Variants in KLRG1 observed in about 807,000 individuals in gnomAD.
KLRG1 encodes killer cell lectin like receptor G1, also known as killer cell lectin-like receptor subfamily G member 1.
KLRG1 carries 16 observed loss-of-function variants against 21.8 expected under a neutral mutation model. The observed-to-expected ratio is 0.73, with a 90% CI of 0.50 to 1.11. The LOEUF is 1.11. Among genes scored for constraint, KLRG1 ranks in the 50% most tolerant of loss-of-function variants. KLRG1 has a pLI of 0.00. For synonymous variants in KLRG1, 69 were observed against 75.9 expected (o/e 0.91, Z 0.47); for missense variants, 173 against 218.3 (o/e 0.79, Z 1.31).
chr12:9,195,535 C>T, the KLRG1 span, among the ~76,000 whole-genome samples: 2 of 151,238 alleles, frequency 1.3e-5, no homozygotes, highest in Admixed American at 1.3e-4. Context: ...CATCGAAGTT[C>T]TGGGCTCGAG....
chr12:9,018,297 C>T, the KLRG1 span, among the ~76,000 whole-genome samples: 3 of 151,678 alleles, frequency 2.0e-5, no homozygotes, highest in African/African-American at 7.3e-5. Flanking sequence ...CCAGAATAGC[C>T]AAAGCCATCC....
the KLRG1 span, among the ~76,000 whole-genome samples, chr12:9,049,156 T>C: frequency 1.3e-5 from 2 of 152,182 alleles, no homozygotes; most frequent in Non-Finnish European, 2.9e-5. Flanking sequence ...TGGTACTCTC[T>C]GAGTAAGTAT....
the KLRG1 span, among the ~76,000 whole-genome samples, chr12:9,133,003 G>T: frequency 6.6e-6 from 1 of 152,094 alleles, no homozygotes; most frequent in Non-Finnish European, 1.5e-5. Context: ...ATTGTGATAG[G>T]CACCTTGCTT....
the KLRG1 span, among the ~76,000 whole-genome samples, chr12:9,029,608 C>T: frequency 1.3e-5 from 2 of 152,268 alleles, no homozygotes; most frequent in Non-Finnish European, 2.9e-5. Context: ...AGTATCTCCC[C>T]AATCCCCCCT....
At chr12:8,963,243 T>C (rs1443623082) in intron 1 of KLRG1, among the ~76,000 whole-genome samples, 2 of 152,168 alleles carry the variant, frequency 1.3e-5, no homozygotes, top group East Asian at 3.8e-4. Flanking sequence ...GAGAATTCAT[T>C]GCAAACAGGC....
At chr12:9,169,281 G>T in the KLRG1 span, 1 of 795,532 alleles carries the variant, frequency 1.3e-6, no homozygotes, top group Non-Finnish European at 1.9e-6. Flanking sequence ...CCTCACAAGA[G>T]ACTTTAACCT....
the KLRG1 span, chr12:9,200,373 A>C: frequency 1.9e-6 from 3 of 1,603,276 alleles, no homozygotes; most frequent in Non-Finnish European, 2.6e-6. Flanking sequence ...CTCTCCACAG[A>C]CTGTTATGTT....
chr12:9,062,349 G>A, the KLRG1 span, among the ~76,000 whole-genome samples: 23 of 87,996 alleles, frequency 2.6e-4, no homozygotes, highest in African/African-American at 1.2e-3. Context: ...ACAATAGATG[G>A]ATAATATATC....
the KLRG1 span, among the ~76,000 whole-genome samples, chr12:9,071,671 C>T: frequency 1.3e-5 from 2 of 152,150 alleles, no homozygotes; most frequent in Non-Finnish European, 2.9e-5. Context: ...TTAGCTCCCA[C>T]TTACAAATGA....
chr12:8,959,478 C>T (rs1311510189), intron 1 of KLRG1, among the ~76,000 whole-genome samples: 1 of 152,182 alleles, frequency 6.6e-6, no homozygotes, highest in Non-Finnish European at 1.5e-5. Flanking sequence ...TTTCAGTTCT[C>T]CAGCCCCCTG....
the KLRG1 span, among the ~76,000 whole-genome samples, chr12:9,034,792 C>G: frequency 2.5e-3 from 376 of 152,266 alleles, 2 homozygotes; most frequent in African/African-American, 8.8e-3. Context: ...TTATACTTAT[C>G]CATTAAAAAA....
the KLRG1 span, chr12:9,112,404 T>A: frequency 3.7e-6 from 6 of 1,613,906 alleles, no homozygotes; most frequent in African/African-American, 8.0e-5. Flanking sequence ...TAGATTGATT[T>A]GTCTGTCTGG....
the KLRG1 span, chr12:9,169,318 G>A: frequency 9.1e-7 from 1 of 1,095,140 alleles, no homozygotes; most frequent in Non-Finnish European, 1.3e-6. Context: ...TTTGTCTGCT[G>A]AAAAATGGAG....
intron 1 of KLRG1, among the ~76,000 whole-genome samples, chr12:8,977,622 T>C (rs1380489693): frequency 6.6e-6 from 1 of 152,116 alleles, no homozygotes; most frequent in Non-Finnish European, 1.5e-5. Context: ...GCCATTTTGT[T>C]GTTTTTTGTT....
chr12:9,166,949 A>T, the KLRG1 span: 1 of 152,226 alleles, frequency 6.6e-6, no homozygotes, highest in Non-Finnish European at 1.5e-5. Flanking sequence ...CCCATCTGAT[A>T]TTTCAGAAAT....
the KLRG1 span, chr12:9,028,149 C>T: frequency 2.5e-3 from 1,210 of 485,644 alleles, 8 homozygotes; most frequent in South Asian, 3.2e-3. Flanking sequence ...TCGTCTTCTT[C>T]TTTTTTTTTT....
At chr12:9,066,789 CTTAGT>C in the KLRG1 span, 1 of 152,190 alleles carries the variant, frequency 6.6e-6, no homozygotes, top group African/African-American at 2.4e-5. Flanking sequence ...TTTTCCAGTT[CTTAGT>C]TTATACAATC....
At chr12:9,069,765 C>G in the KLRG1 span, 2 of 1,612,594 alleles carry the variant, frequency 1.2e-6, no homozygotes, top group South Asian at 1.1e-5. Context: ...TAAATCAAGA[C>G]ATGGTTGCTG....
At chr12:8,955,963 A>G (rs190666369) in intron 1 of KLRG1, among the ~76,000 whole-genome samples, 9 of 152,170 alleles carry the variant, frequency 5.9e-5, no homozygotes, top group Admixed American at 3.9e-4. Flanking sequence ...CTATGGACCA[A>G]TCAGCACACA....
Sources: allele counts gnomAD v4.1 joint callset (sites outside exome capture counted in the v4.1 genomes callset), GRCh38; gene constraint gnomAD v4.1.1; transcripts MANE v1.5; gene names NCBI Gene and HGNC (gene_info 2026-07-23, HGNC 2026-07-21).